ARRB1: variants seen among roughly 807,000 people sequenced by gnomAD.
ARRB1 encodes the protein beta-arrestin-1.
A neutral mutation model predicts 56.8 loss-of-function variants in ARRB1; 21 were observed. That is an observed-to-expected ratio of 0.37 (90% CI 0.26 to 0.53). The LOEUF (loss-of-function observed/expected upper bound fraction) is 0.53. Ranked by LOEUF, ARRB1 falls within the 20% of genes least tolerant of loss-of-function variation. The probability of loss-of-function intolerance (pLI) is 0.88; values close to 1 mark genes in which losing one functional copy is unlikely to be tolerated. For missense variants in ARRB1, 424 were observed against 553.7 expected (o/e 0.77, Z 2.35); for synonymous variants, 210 against 218.6 (o/e 0.96, Z 0.35).
At chr11:75,306,857 G>A (rs2140474455) in intron 1 of ARRB1, 2 of 363,308 alleles carry the variant, frequency 5.5e-6, no homozygotes, top group Admixed American at 3.8e-5. Context: ...GACGGGCAGG[G>A]GGTGAGGGTC....
At chr11:75,341,691 G>A (rs140509624) in intron 1 of ARRB1, among the ~76,000 whole-genome samples, 1 of 152,278 alleles carries the variant, frequency 6.6e-6, no homozygotes, top group East Asian at 1.9e-4. Context: ...TTCCTACACA[G>A]ATGGAAATGA....
At chr11:75,298,931 A>C (rs11236386) in intron 1 of ARRB1, among the ~76,000 whole-genome samples, 1 of 151,420 alleles carries the variant, frequency 6.6e-6, no homozygotes, top group East Asian at 1.9e-4. Context: ...ACATAATGTT[A>C]ATTATGTTAA....
chr11:75,351,570 C>T lies in ARRB1; in HGVS notation c.20+18G>A. The T allele has an allele frequency of 6.7e-7, 1 of 1,498,302 alleles. No individual in the cohort carries two copies. Among genetic ancestry groups the T allele is most frequent in the South Asian group, 1.2e-5 (1 of 80,510 alleles). 92.8% of individuals were successfully genotyped at this position (1,498,302 alleles called of 1,614,324 possible). On this transcript the variant is annotated intron_variant, in intron 1 of 15. Coordinates refer to ENST00000420843, the MANE Select transcript of ARRB1 (RefSeq NM_004041.5). Reference sequence around the variant, plus strand: ...TCGCCCCCACGCGCCCCCCGCCGGGCGGCCGCCCTGCACTCACCGGGTCCC... The same window carrying T: ...TCGCCCCCACGCGCCCCCCGCCGGGTGGCCGCCCTGCACTCACCGGGTCCC...
Position 75,266,270 on chromosome 11 carries a change from C to T in ARRB1, c.1150G>A (p.Asp384Asn). ...GCAAAGTCCTCAAATACAATGTCGTCATCACTGGTGGGAGAGACAAGGAAA... is the reference window on the plus strand; with the variant it reads ...GCAAAGTCCTCAAATACAATGTCGTTATCACTGGTGGGAGAGACAAGGAAA... ...TNLIELDTND[D>N]DIVFEDFARQ... The change falls in exon 16 of 16, where the codon GAC (aspartate) becomes AAC (asparagine). Residue 384 changes from aspartate (D) to asparagine (N), a missense_variant. By Grantham distance (23) the Asp-to-Asn change is conservative (BLOSUM62 1). Transcript: ENST00000420843. 1 of 1,613,664 alleles carries T rather than the reference C, an allele frequency of 6.2e-7. No homozygotes were observed. Among genetic ancestry groups the T allele is most frequent in the Non-Finnish European group, 8.5e-7 (1 of 1,179,544 alleles).
At chr11:75,272,041 A>G (rs1416484324) in intron 12 of ARRB1, among the ~76,000 whole-genome samples, 1 of 152,226 alleles carries the variant, frequency 6.6e-6, no homozygotes. Flanking sequence ...ATCTAAAGGC[A>G]GAGGGAAGGA....
intron 1 of ARRB1, among the ~76,000 whole-genome samples, chr11:75,307,164 C>T (rs1947052008): frequency 1.3e-5 from 2 of 152,184 alleles, no homozygotes; most frequent in Admixed American, 1.3e-4. Flanking sequence ...CCCACAGCAG[C>T]CAAGTTTATA....
At chr11:75,280,569 C>G (rs531138432) in intron 7 of ARRB1, among the ~76,000 whole-genome samples, 1 of 152,208 alleles carries the variant, frequency 6.6e-6, no homozygotes, top group Non-Finnish European at 1.5e-5. Flanking sequence ...CTCCAGAGAA[C>G]GCTTCCCATC....
At chr11:75,326,289 T>G (rs1189688593) in intron 1 of ARRB1, among the ~76,000 whole-genome samples, 1 of 152,208 alleles carries the variant, frequency 6.6e-6, no homozygotes, top group Non-Finnish European at 1.5e-5. Flanking sequence ...GCCCAGGGCC[T>G]GGCACAGCGT....
At position 75,340,391 on chromosome 11, in the gene ARRB1, C is replaced by T. The variant is rs1439547029; in HGVS notation, c.20+11197G>A. Among the ~76,000 whole-genome samples the T allele has an allele frequency of 3.9e-5, 6 of 152,352 alleles. No individual in the cohort carries two copies. In the East Asian group the frequency reaches 9.6e-4, roughly 24 times the overall value. On this transcript the variant is annotated intron_variant, in intron 1 of 15. Transcript: ENST00000420843. ...ATCCAAGGCAGGGGGATGCTCCCCA[C>T]GACCTTCTGGGTGCAGGAATTCTGA...
chr11:75,272,813 G>T, intron 12 of ARRB1, 82 bp downstream of exon 12: 1 of 1,391,024 alleles, frequency 7.2e-7, no homozygotes, highest in Non-Finnish European at 1.0e-6. Flanking sequence ...GCTGCAAACA[G>T]GCAGAATGGG....
intron 1 of ARRB1, among the ~76,000 whole-genome samples, chr11:75,343,249 T>C (rs930468955): frequency 3.3e-5 from 5 of 152,136 alleles, no homozygotes; most frequent in African/African-American, 1.2e-4. Flanking sequence ...CACAAAGCGC[T>C]GGGAATCCAG....
intron 1 of ARRB1, among the ~76,000 whole-genome samples, chr11:75,321,269 C>G (rs1239980942): frequency 2.0e-5 from 3 of 147,262 alleles, no homozygotes; most frequent in East Asian, 2.1e-4. Context: ...CTGCTCACCC[C>G]CCCCCACCAC....
chr11:75,273,012 C>T, intron 11 of ARRB1, 34 bp from the exon 12 acceptor site: 1 of 1,604,806 alleles, frequency 6.2e-7, no homozygotes, highest in Non-Finnish European at 8.5e-7. Flanking sequence ...AGTTCAGGGG[C>T]CTTGCCAGGT....
At chr11:75,280,772 T>TC (rs1946316473) in intron 7 of ARRB1, among the ~76,000 whole-genome samples, 1 of 152,186 alleles carries the variant, frequency 6.6e-6, no homozygotes, top group Non-Finnish European at 1.5e-5. Flanking sequence ...TTAGGGTTTT[T>TC]CCAAAACAAA....
chr11:75,299,199 C>A (rs372060492), intron 1 of ARRB1, among the ~76,000 whole-genome samples: 1 of 149,598 alleles, frequency 6.7e-6, no homozygotes. Context: ...TGAATTTTAC[C>A]CTAAAAGTGT....
intron 1 of ARRB1, among the ~76,000 whole-genome samples, chr11:75,291,984 C>T (rs779944448): frequency 1.4e-4 from 21 of 152,178 alleles, no homozygotes; most frequent in Non-Finnish European, 3.1e-4. Flanking sequence ...CTCTGCGCTG[C>T]ATTGATGGCC....
At chr11:75,341,530 C>T (rs991040100) in intron 1 of ARRB1, among the ~76,000 whole-genome samples, 10 of 152,114 alleles carry the variant, frequency 6.6e-5, no homozygotes, top group African/African-American at 1.2e-4. Context: ...AAACTGAGGC[C>T]GGAGAGTTTA....
chr11:75,327,189 C>G (rs1397413870), intron 1 of ARRB1, among the ~76,000 whole-genome samples: 1 of 150,048 alleles, frequency 6.7e-6, no homozygotes, highest in African/African-American at 2.4e-5. Context: ...GTAGTCCCAG[C>G]TACTCGGGAG....
At chr11:75,267,162 C>T (rs545429247) in intron 15 of ARRB1, among the ~76,000 whole-genome samples, 5 of 152,340 alleles carry the variant, frequency 3.3e-5, no homozygotes, top group Admixed American at 2.6e-4. Context: ...AGGCGGTCCG[C>T]GCAGTCGGCC....
Sources: allele counts gnomAD v4.1 joint callset (sites outside exome capture counted in the v4.1 genomes callset), GRCh38; gene constraint gnomAD v4.1.1; transcripts MANE v1.5; gene names NCBI Gene and HGNC (gene_info 2026-07-23, HGNC 2026-07-21).